The following RADX variants were observed in gnomAD, a reference collection of about 807,000 sequenced individuals.
RADX encodes the protein RPA1 related single stranded DNA binding protein, X-linked, also known as RPA-related protein RADX.
A neutral mutation model predicts 61.6 loss-of-function variants in RADX; 36 were observed. The ratio of observed to expected loss-of-function variants is 0.58; its 90% confidence interval spans 0.45 to 0.77. RADX has a LOEUF of 0.77. RADX is among the 30% of genes least tolerant of loss of function. The pLI, the probability that RADX is intolerant of heterozygous loss-of-function variation, is 0.00. For missense variants in RADX, 497 were observed against 651.1 expected, an observed-to-expected ratio of 0.76 and a Z score of 2.58; for synonymous variants, 272 against 237.9, an observed-to-expected ratio of 1.14 and a Z score of -1.32.
rs375658460 is a variant in RADX, at chrX:106,662,012, C to A, written c.1979-3C>A. 3.3e-6 allele frequency: 4 copies of A among 1,204,152 alleles called. No individual in the cohort carries two copies. The highest frequency in any genetic ancestry group is 1.7e-5 in the African/African-American group (1 of 57,269). The stretch of plus-strand genomic sequence containing the variant: ...TGTGTCTATCTCCTTGTGTCTTTAA[C>A]AGGTCGAGCAAATATAAATGCTAAT... On this transcript the variant is annotated splice_region_variant and splice_polypyrimidine_tract_variant and intron_variant, in intron 11 of 13. Coordinates refer to ENST00000372548, the MANE Select transcript of RADX (RefSeq NM_018015.6).
chrX:106,636,545 G>A lies in RADX; in HGVS notation c.1306G>A (p.Ala436Thr). ...TCATAAGTGTTTTTGTTCTCTAGTG[G>A]CATATTTTGTGTGTACACAGTTGAA... The part of the protein sequence containing the change: ...PEIFENIYPM[A>T]YFVCTQLKVV... The change falls in exon 7 of 14, where the codon GCA becomes ACA. Residue 436 changes from alanine (A) to threonine (T), a missense_variant and splice_region_variant. Ala to Thr is a moderately conservative substitution (Grantham distance 58, BLOSUM62 0). Transcript: ENST00000372548. 8.7e-7 allele frequency: 1 copy of A among 1,155,189 alleles called. No individual in the cohort carries two copies. The highest frequency in any genetic ancestry group is 3.0e-5 in the East Asian group (1 of 33,308).
At chrX:106,652,193 G>T (rs1927809489) in intron 11 of RADX, among the ~76,000 whole-genome samples, 1 of 111,091 alleles carries the variant, frequency 9.0e-6, no homozygotes, top group Admixed American at 9.6e-5. Context: ...TGCACCTATA[G>T]TCCTAGCTAC....
chrX:106,633,233 C>A lies in RADX; in HGVS notation c.1284C>A (p.Ile428=), dbSNP rs1195728904. The A allele has an allele frequency of 8.3e-6, 10 of 1,200,149 alleles. No homozygotes were observed. The highest frequency in any genetic ancestry group is 1.1e-5 in the Non-Finnish European group (10 of 888,506). The change falls in exon 6 of 14, where the codon ATC becomes ATA. Residue 428 remains isoleucine (I), a synonymous_variant. Transcript: ENST00000372548. ...VELFSTSQPE[I]FENIYPMAYF... ...TGTTTTCAACATCGCAGCCAGAAAT[C>A]TTTGAAAATATTTACCCAAGTAAGC... is the stretch of plus-strand genomic sequence containing the variant.
In RADX at chrX:106,637,616, T is replaced by C. The variant is rs1927390034; in HGVS notation, c.1409-144T>C. 6 of 452,602 alleles carry C rather than the reference T, an allele frequency of 1.3e-5. No individual in the cohort carries two copies. In the South Asian group the frequency reaches 2.8e-4, roughly 21 times the overall value. 37.3% of individuals were successfully genotyped at this position (452,602 alleles called of 1,213,427 possible). ...TCTTTGGATAATTATACATAGTGAA[T>C]AAGTAAACTTGACTGTTTTTTTCTT... On this transcript the variant is annotated intron_variant, in intron 7 of 13. Coordinates refer to ENST00000372548, the MANE Select transcript of RADX (RefSeq NM_018015.6).
At chrX:106,630,861 G>T (rs918333633) in intron 3 of RADX, among the ~76,000 whole-genome samples, 3 of 111,309 alleles carry the variant, frequency 2.7e-5, no homozygotes, top group African/African-American at 9.8e-5. Flanking sequence ...CCCGTGACAT[G>T]AGTTTACCTA....
At chrX:106,675,926 A>G (rs912292257) in intron 13 of RADX, among the ~76,000 whole-genome samples, 6 of 111,683 alleles carry the variant, frequency 5.4e-5, no homozygotes, top group Non-Finnish European at 1.1e-4. Context: ...TGTGTATTCA[A>G]TCCTCAAAAT....
chrX:106,643,058 G>C (rs761095610), intron 10 of RADX, among the ~76,000 whole-genome samples: 1 of 110,605 alleles, frequency 9.0e-6, no homozygotes, highest in South Asian at 3.8e-4. Context: ...GTATGGTTTT[G>C]ATTTGCATTT....
intron 3 of RADX, among the ~76,000 whole-genome samples, chrX:106,629,101 A>G (rs754868675): frequency 9.2e-6 from 1 of 108,307 alleles, no homozygotes; most frequent in Non-Finnish European, 1.9e-5. Flanking sequence ...GCATACACAA[A>G]TAATACACCC....
chrX:106,654,093 A>G (rs1428495776), intron 11 of RADX, among the ~76,000 whole-genome samples: 2 of 111,463 alleles, frequency 1.8e-5, no homozygotes, highest in African/African-American at 6.5e-5. Flanking sequence ...CTGGTTCTAG[A>G]TCCTTGAGGA....
chrX:106,647,156 T>G (rs1193496634), intron 10 of RADX, among the ~76,000 whole-genome samples: 1 of 110,891 alleles, frequency 9.0e-6, no homozygotes, highest in Non-Finnish European at 1.9e-5. Flanking sequence ...TCCCAGCCTC[T>G]GGTAACCATT....
chrX:106,650,025 A>T (rs1927756165), intron 11 of RADX, among the ~76,000 whole-genome samples: 1 of 111,455 alleles, frequency 9.0e-6, no homozygotes, highest in Non-Finnish European at 1.9e-5. Context: ...ATGGGCTGAG[A>T]GGTATAATAA....
intron 10 of RADX, among the ~76,000 whole-genome samples, chrX:106,646,999 G>A (rs1453805506): frequency 9.0e-6 from 1 of 110,924 alleles, no homozygotes; most frequent in African/African-American, 3.3e-5. Flanking sequence ...AAATTACACA[G>A]TCTTTTAGTT....
chrX:106,621,693 T>C (rs1242104505), intron 1 of RADX, among the ~76,000 whole-genome samples: 1 of 110,564 alleles, frequency 9.0e-6, no homozygotes, highest in Non-Finnish European at 1.9e-5. Context: ...GGAGGATAAG[T>C]AAAGGGGTCA....
intron 11 of RADX, among the ~76,000 whole-genome samples, chrX:106,652,859 G>A (rs1200072609): frequency 1.8e-4 from 20 of 108,970 alleles, no homozygotes; most frequent in African/African-American, 6.7e-4. Flanking sequence ...CACGGAGCAT[G>A]CCTGTATTAC....
intron 4 of RADX, 87 bp from the exon 5 acceptor site, chrX:106,632,845 A>T (rs1029314529): frequency 1.1e-6 from 1 of 943,337 alleles, no homozygotes; most frequent in Admixed American, 2.4e-5. Context: ...TATAGCAATT[A>T]TGTAGATATA....
chrX:106,624,624 C>T (rs1223089689), intron 2 of RADX, among the ~76,000 whole-genome samples: 1 of 111,306 alleles, frequency 9.0e-6, no homozygotes, highest in East Asian at 2.8e-4. Context: ...TATATTTTAG[C>T]TATTATTATT....
chrX:106,623,639 TATG>T (rs1243199626), intron 2 of RADX, among the ~76,000 whole-genome samples: 4 of 111,023 alleles, frequency 3.6e-5, no homozygotes, highest in African/African-American at 9.8e-5. Flanking sequence ...TACACATATC[TATG>T]ATATTTAATC....
intron 13 of RADX, among the ~76,000 whole-genome samples, chrX:106,676,422 C>T: frequency 8.9e-6 from 1 of 111,887 alleles, no homozygotes; most frequent in Non-Finnish European, 1.9e-5. Context: ...TGGGGTCCCA[C>T]AAAACCTGGA....
At chrX:106,621,469 C>T (rs1446671423) in intron 1 of RADX, among the ~76,000 whole-genome samples, 1 of 111,866 alleles carries the variant, frequency 8.9e-6, no homozygotes, top group Non-Finnish European at 1.9e-5. Context: ...AAACTGTGGG[C>T]TGTGAGAGAG....
Sources: allele counts gnomAD v4.1 joint callset (sites outside exome capture counted in the v4.1 genomes callset), GRCh38; gene constraint gnomAD v4.1.1; transcripts MANE v1.5; gene names NCBI Gene and HGNC (gene_info 2026-07-23, HGNC 2026-07-21).